Variants in FBXL5 observed in about 807,000 individuals in gnomAD.
FBXL5 encodes F-box and leucine rich repeat protein 5.
Under a neutral mutation model 78.3 loss-of-function variants are expected in FBXL5, and 26 were observed. The observed-to-expected ratio is 0.33, with a 90% confidence interval of 0.24 to 0.46. The LOEUF (loss-of-function observed/expected upper bound fraction) is 0.46. FBXL5 is among the 20% of genes least tolerant of loss of function. FBXL5 has a pLI of 1.00. For synonymous variants in FBXL5, 295 were observed against 282.5 expected (o/e 1.04, Z -0.45); for missense variants, 710 against 829.2 (o/e 0.86, Z 1.77).
chr4:15,618,817 G>A (rs762309464), intron 9 of FBXL5, among the ~76,000 whole-genome samples: 3 of 152,124 alleles, frequency 2.0e-5, no homozygotes, highest in African/African-American at 7.2e-5. Flanking sequence ...CACTCTGGAC[G>A]ACAGAGCAAG....
intron 10 of FBXL5, among the ~76,000 whole-genome samples, chr4:15,606,451 AC>A (rs1451225101): frequency 6.6e-6 from 1 of 152,160 alleles, no homozygotes; most frequent in East Asian, 1.9e-4. Flanking sequence ...GGAATAACTG[AC>A]ATTTTATCCC....
chr4:15,652,297 T>C (rs1391866866), intron 1 of FBXL5, among the ~76,000 whole-genome samples: 1 of 152,188 alleles, frequency 6.6e-6, no homozygotes, highest in Non-Finnish European at 1.5e-5. Context: ...TGATTTAATA[T>C]AAAGAAAATT....
chr4:15,632,465 C>T (rs1713777317), intron 5 of FBXL5, among the ~76,000 whole-genome samples: 1 of 152,148 alleles, frequency 6.6e-6, no homozygotes, highest in Non-Finnish European at 1.5e-5. Context: ...CCATTGGTAG[C>T]TTGATGGCAA....
In FBXL5 at chr4:15,644,563, T is replaced by C. The variant is rs770822967; in HGVS notation, c.230A>G (p.Tyr77Cys). Residue 77 changes from tyrosine to cysteine, a missense_variant, in exon 2 of 11, where the codon TAT becomes TGT. Coordinates refer to ENST00000341285, the MANE Select transcript of FBXL5 (RefSeq NM_012161.4). ...GLLQQRSQTI[Y>C]NVHSDNKLSE... ...GAGTTTATTGTCAGAATGTACATTA[T>C]AAATGGTCTGGCTGCGTTGTTGAAG... The C allele has an allele frequency of 6.2e-7, 1 of 1,614,138 alleles. No homozygotes were observed. Among genetic ancestry groups the C allele is most frequent in the East Asian group, 2.2e-5 (1 of 44,860 alleles).
rs999292553 is a variant in FBXL5 at position 15,604,545 on chromosome 4, G to A, written c.*1178C>T. The stretch of plus-strand genomic sequence containing the variant: ...TATCACAATATACGAGACATGAAAG[G>A]AGAAGTTTTATTGGAAACATGGCAC... On this transcript the variant is annotated 3_prime_UTR_variant, in exon 11 of 11. Transcript: ENST00000341285. The A allele has an allele frequency of 1.1e-4, 17 of 152,120 alleles. No homozygotes were observed. Among genetic ancestry groups the A allele is most frequent in the African/African-American group, 3.9e-4 (16 of 41,420 alleles). The allele number at this position is 152,120 out of a possible 1,614,324, so 9.4% of individuals were successfully genotyped here.
chr4:15,651,937 C>G (rs965535233), intron 1 of FBXL5, among the ~76,000 whole-genome samples: 12 of 152,130 alleles, frequency 7.9e-5, no homozygotes, highest in Non-Finnish European at 1.6e-4. Flanking sequence ...TGGAGCTGAC[C>G]GTGTAACTCC....
In FBXL5 at chr4:15,655,211, C is replaced by A; in HGVS notation, c.77G>T (p.Cys26Phe). The A allele has an allele frequency of 7.0e-7, 1 of 1,425,538 alleles. No individual in the cohort carries two copies. Among genetic ancestry groups the A allele is most frequent in the East Asian group, 3.1e-5 (1 of 32,206 alleles). The allele number at this position is 1,425,538 out of a possible 1,614,324, so 88.3% of individuals were successfully genotyped here. A position where few individuals can be genotyped will look rare whatever the true frequency, so the allele number is the denominator to read the frequency against. Reference protein sequence around the residue: ...WRMKQLVGLYCDKLSKTNFSN... With the variant: ...WRMKQLVGLYFDKLSKTNFSN... ...GGCTCAGCGCTCCGTTACCTTGTCG[C>A]AGTAGAGCCCCACCAGCTGCTTCAT... Residue 26 changes from cysteine to phenylalanine, a missense_variant, in exon 1 of 11, where the codon TGC becomes TTC. Around this residue, in one of 4 missense-constraint regions of FBXL5, gnomAD observed 132 missense variants for 156.9 expected, o/e 0.84. Coordinates refer to ENST00000341285, the MANE Select transcript of FBXL5 (RefSeq NM_012161.4).
At chr4:15,681,374 C>A (rs1167188752) in intron 1 of FBXL5, 1 of 169,744 alleles carries the variant, frequency 5.9e-6, no homozygotes. Flanking sequence ...AGCGATTCAG[C>A]GCCACTACCT....
upstream of FBXL5, among the ~76,000 whole-genome samples, chr4:15,658,708 A>G (rs1445420355): frequency 6.6e-6 from 1 of 152,216 alleles, no homozygotes; most frequent in African/African-American, 2.4e-5. Flanking sequence ...TTCTTTATAA[A>G]TTACCCAGTT....
upstream of FBXL5, among the ~76,000 whole-genome samples, chr4:15,662,311 A>C (rs1263175294): frequency 1.3e-5 from 2 of 150,524 alleles, no homozygotes; most frequent in Non-Finnish European, 3.0e-5. Context: ...TTCATATTTA[A>C]GTTCAAAGGT....
At chr4:15,648,124 T>C (rs563815928) in intron 1 of FBXL5, among the ~76,000 whole-genome samples, 13 of 152,330 alleles carry the variant, frequency 8.5e-5, no homozygotes, top group Non-Finnish European at 1.5e-4. Flanking sequence ...CCTGAGTTGC[T>C]GAGATTATAG....
At chr4:15,624,171 A>G (rs112642035) in intron 9 of FBXL5, among the ~76,000 whole-genome samples, 2,447 of 152,190 alleles carry the variant, frequency 0.016, 68 homozygotes, top group African/African-American at 0.056. Flanking sequence ...GGGAGTATTA[A>G]GTTTTATGCT....
At chr4:15,614,559 C>G (rs73239182) in intron 9 of FBXL5, among the ~76,000 whole-genome samples, 16,356 of 152,144 alleles carry the variant, frequency 0.11, 935 homozygotes, top group Non-Finnish European at 0.13. Context: ...TGGTCTTTGG[C>G]TACCAGGGTG....
intron 9 of FBXL5, among the ~76,000 whole-genome samples, chr4:15,623,845 C>T (rs1229530933): frequency 2.0e-5 from 3 of 148,994 alleles, no homozygotes; most frequent in Non-Finnish European, 3.0e-5. Flanking sequence ...TTTTTTGAGA[C>T]GGAATTTCGC....
At chr4:15,617,158 A>G (rs1368500110) in intron 9 of FBXL5, among the ~76,000 whole-genome samples, 1 of 152,236 alleles carries the variant, frequency 6.6e-6, no homozygotes, top group African/African-American at 2.4e-5. Flanking sequence ...ATAAAGACAT[A>G]TGCATGCCTA....
intron 9 of FBXL5, among the ~76,000 whole-genome samples, chr4:15,619,082 A>T (rs1712215928): frequency 6.6e-6 from 1 of 152,120 alleles, no homozygotes; most frequent in African/African-American, 2.4e-5. Flanking sequence ...AGGTAAGAGG[A>T]TCACTAGGAA....
intron 1 of FBXL5, among the ~76,000 whole-genome samples, chr4:15,654,273 G>C (rs913630279): frequency 2.0e-5 from 3 of 152,200 alleles, no homozygotes; most frequent in Non-Finnish European, 4.4e-5. Context: ...ATTTCCACAA[G>C]AAACGGGACT....
In FBXL5 at chr4:15,624,600, T is replaced by TA. The variant is rs61627875; in HGVS notation, c.1850+651dup. On this transcript the variant is annotated intron_variant, in intron 9 of 10. Coordinates refer to ENST00000341285, the MANE Select transcript of FBXL5 (RefSeq NM_012161.4). The stretch of plus-strand genomic sequence containing the variant: ...TCAGCCCTTCTTTCCTCTAGGAGGT[T>TA]AAAAAAAAAAAAAAAAGTCGGTTTA... 3.8e-3 allele frequency among the ~76,000 whole-genome samples: 492 copies of TA among 130,332 alleles called. 2 individuals are homozygous for TA. The highest frequency in any genetic ancestry group is 0.012 in the African/African-American group (403 of 34,512). The allele number at this position is 130,332 out of a possible 152,430, so 85.5% of individuals were successfully genotyped here. A position where few individuals can be genotyped will look rare whatever the true frequency, so the allele number is the denominator to read the frequency against.
chr4:15,660,593 C>G (rs1717259347), upstream of FBXL5, among the ~76,000 whole-genome samples: 2 of 152,218 alleles, frequency 1.3e-5, no homozygotes, highest in African/African-American at 4.8e-5. Flanking sequence ...CCCACAAGAT[C>G]TAGGGCAAAT....
Sources: gnomAD v4.1 joint callset for allele counts (sites outside exome capture counted in the v4.1 genomes callset) on GRCh38, gnomAD v4.1.1 for gene constraint, gnomAD v4.1.1 regional missense constraint, MANE v1.5 for transcripts, NCBI Gene and HGNC (gene_info 2026-07-23, HGNC 2026-07-21) for gene names.